MAP3K5: variants seen among roughly 807,000 people sequenced by gnomAD.
MAP3K5 encodes ASK-1.
Under a neutral mutation model 158.7 loss-of-function variants are expected in MAP3K5, and 56 were observed. The ratio of observed to expected loss-of-function variants is 0.35; its 90% CI spans 0.28 to 0.44. The LOEUF (loss-of-function observed/expected upper bound fraction) is 0.44, where lower values mean the gene tolerates loss of function less well. Among genes scored for constraint, MAP3K5 ranks in the 20% least tolerant of loss-of-function variants. The pLI is 1.00. For missense variants in MAP3K5, 1,294 were observed against 1,674.8 expected, an observed-to-expected ratio of 0.77 and a Z score of 3.97; for synonymous variants, 579 against 601.7, an observed-to-expected ratio of 0.96 and a Z score of 0.55.
chr6:136,724,380 C>G (rs566345348), intron 1 of MAP3K5, among the ~76,000 whole-genome samples: 1 of 151,976 alleles, frequency 6.6e-6, no homozygotes, highest in South Asian at 2.1e-4. Flanking sequence ...TCCCAAGTAG[C>G]TGGGATTACA....
At chr6:136,767,758 G>A (rs889777212) in intron 1 of MAP3K5, among the ~76,000 whole-genome samples, 4 of 152,142 alleles carry the variant, frequency 2.6e-5, no homozygotes, top group Non-Finnish European at 5.9e-5. Flanking sequence ...AAGAAAGCTG[G>A]AGGCCTCACA....
chr6:136,562,837 ATTTTTTT>A (rs3040779), intron 26 of MAP3K5, among the ~76,000 whole-genome samples: 1 of 124,842 alleles, frequency 8.0e-6, no homozygotes, highest in South Asian at 2.5e-4. Flanking sequence ...TGCCTGGCTA[ATTTTTTT>A]TTTTTTTTTT....
intron 19 of MAP3K5, among the ~76,000 whole-genome samples, chr6:136,602,280 A>T (rs1231557115): frequency 6.6e-6 from 1 of 152,110 alleles, no homozygotes; most frequent in African/African-American, 2.4e-5. Context: ...TTGGCACACA[A>T]AAAGGATCTT....
intron 21 of MAP3K5, 143 bp from the exon 22 acceptor site, chr6:136,592,757 C>T (rs1562530226): frequency 1.3e-6 from 1 of 788,792 alleles, no homozygotes; most frequent in Admixed American, 1.9e-5. Context: ...AGGGAACGGT[C>T]ATGTGTTATG....
intron 25 of MAP3K5, 103 bp downstream of exon 25, chr6:136,580,198 T>C (rs1470061863): frequency 1.3e-6 from 1 of 759,716 alleles, no homozygotes; most frequent in Middle Eastern, 2.4e-4. Flanking sequence ...AAAAAGGGTA[T>C]TATGGTTTTT....
chr6:136,685,502 T>G (rs1006219392), intron 7 of MAP3K5, among the ~76,000 whole-genome samples: 5 of 152,118 alleles, frequency 3.3e-5, no homozygotes, highest in African/African-American at 1.2e-4. Flanking sequence ...CTCCCTCCAC[T>G]GTGGGTCAGG....
chr6:136,566,492 T>C (rs1453999510), intron 26 of MAP3K5, among the ~76,000 whole-genome samples: 1 of 152,044 alleles, frequency 6.6e-6, no homozygotes, highest in Non-Finnish European at 1.5e-5. Flanking sequence ...TCCATAACGA[T>C]GGGGTGTTAT....
chr6:136,743,785 A>C (rs1338465533), intron 1 of MAP3K5, among the ~76,000 whole-genome samples: 1 of 152,234 alleles, frequency 6.6e-6, no homozygotes, highest in Admixed American at 6.5e-5. Context: ...GGAAGCAACC[A>C]AGATGTCTTT....
chr6:136,710,239 C>T (rs1781252056), intron 2 of MAP3K5, among the ~76,000 whole-genome samples: 1 of 152,170 alleles, frequency 6.6e-6, no homozygotes, highest in African/African-American at 2.4e-5. Flanking sequence ...GACATAACTG[C>T]TCTATTTCAC....
chr6:136,746,250 T>A (rs1782952289), intron 1 of MAP3K5, among the ~76,000 whole-genome samples: 1 of 151,130 alleles, frequency 6.6e-6, no homozygotes, highest in Non-Finnish European at 1.5e-5. Context: ...AAACCAGACA[T>A]AAAGGACTCA....
chr6:136,621,485 G>A (rs1776798674), intron 15 of MAP3K5, among the ~76,000 whole-genome samples: 1 of 152,172 alleles, frequency 6.6e-6, no homozygotes, highest in South Asian at 2.1e-4. Flanking sequence ...GTTTTCTATA[G>A]AAAGGTGGAC....
At position 136,660,494 on chromosome 6, in the gene MAP3K5, C is replaced by T. The variant is rs934474361; in HGVS notation, c.1367-1116G>A. 7.9e-5 allele frequency among the ~76,000 whole-genome samples: 12 copies of T among 152,172 alleles called. No homozygotes were observed. In the South Asian group the frequency reaches 1.7e-3, roughly 21 times the overall value. ...TCACTGTCTTAAAAGTCCTGAAATC[C>T]GGTAATGTAGATACTCCAACTTTGT... On this transcript the variant is annotated intron_variant, in intron 8 of 29. Transcript: ENST00000359015.
Position 136,659,459 on chromosome 6 carries a change from A to G in MAP3K5, c.1367-81T>C, listed in dbSNP as rs893073504. On this transcript the variant is annotated intron_variant, in intron 8 of 29. Transcript: ENST00000359015. ...AGGTTTTCACTAAAAAGTAAAATTA[A>G]GCTTTCATTCCTCTTTTCAGATTAA... 6 of 1,285,230 alleles carry G rather than the reference A, an allele frequency of 4.7e-6. No individual in the cohort carries two copies. In the East Asian group the frequency reaches 1.2e-4, roughly 25 times the overall value. 79.6% of individuals were successfully genotyped at this position (1,285,230 alleles called of 1,614,324 possible). A position where few individuals can be genotyped will look rare whatever the true frequency, so the allele number is the denominator to read the frequency against.
In MAP3K5 at chr6:136,667,489, G is replaced by A. The variant is rs149553174; in HGVS notation, c.1366+1794C>T. Among the ~76,000 whole-genome samples the A allele has an allele frequency of 3.3e-3, 499 of 152,256 alleles. 4 individuals are homozygous for A. Among genetic ancestry groups the A allele is most frequent in the African/African-American group, 0.011 (441 of 41,542 alleles). On this transcript the variant is annotated intron_variant, in intron 8 of 29. Coordinates refer to ENST00000359015, the MANE Select transcript of MAP3K5 (RefSeq NM_005923.4). ...AATCCTAGCACCTTGGGAGGCCCAGGTGGAAGGATCTCCTGAGCTCAGGAG... is the reference window on the plus strand; with the variant it reads ...AATCCTAGCACCTTGGGAGGCCCAGATGGAAGGATCTCCTGAGCTCAGGAG...
chr6:136,669,475 T>C (rs561923889), intron 7 of MAP3K5, 80 bp from the exon 8 acceptor site: 1 of 797,840 alleles, frequency 1.3e-6, no homozygotes, highest in East Asian at 2.5e-5. Context: ...TTTGTATAAC[T>C]CCAATGCCTG....
chr6:136,692,770 C>T (rs2114650168), intron 7 of MAP3K5, among the ~76,000 whole-genome samples: 1 of 152,240 alleles, frequency 6.6e-6, no homozygotes, highest in Non-Finnish European at 1.5e-5. Context: ...GTCAGGGCAA[C>T]ATGGTGAAAC....
chr6:136,724,321 T>C (rs1216669223), intron 1 of MAP3K5, among the ~76,000 whole-genome samples: 2 of 150,330 alleles, frequency 1.3e-5, no homozygotes, highest in Non-Finnish European at 2.9e-5. Flanking sequence ...CAACCTCAGC[T>C]CACTGCAACC....
chr6:136,586,050 G>A (rs1775125870), intron 23 of MAP3K5, among the ~76,000 whole-genome samples: 1 of 152,076 alleles, frequency 6.6e-6, no homozygotes, highest in African/African-American at 2.4e-5. Flanking sequence ...TTTTCATTTG[G>A]AAGCTTGGTC....
chr6:136,705,173 A>C (rs955353539), intron 2 of MAP3K5, 40 bp from the exon 3 acceptor site: 1 of 927,462 alleles, frequency 1.1e-6, no homozygotes, highest in African/African-American at 1.8e-5. Context: ...AGTTAATACA[A>C]AACTGAATAA....
Sources: allele counts gnomAD v4.1 joint callset (sites outside exome capture counted in the v4.1 genomes callset), GRCh38; gene constraint gnomAD v4.1.1; transcripts MANE v1.5; gene names NCBI Gene and HGNC (gene_info 2026-07-23, HGNC 2026-07-21).